The following SLC25A26 variants were observed in gnomAD, a reference collection of about 807,000 sequenced individuals.
SLC25A26 encodes the protein mitochondrial S-adenosylmethionine carrier protein.
Under a neutral mutation model 37.8 loss-of-function variants are expected in SLC25A26, and 36 were observed. The observed-to-expected ratio is 0.95, with a 90% CI of 0.73 to 1.26. SLC25A26 has a LOEUF of 1.26. Ranked by LOEUF, SLC25A26 falls within the 50% of genes most tolerant of loss-of-function variation. SLC25A26 has a pLI of 0.00. For synonymous variants in SLC25A26, 129 were observed against 122.5 expected, an observed-to-expected ratio of 1.05 and a Z score of -0.35; for missense variants, 390 against 331.1, an observed-to-expected ratio of 1.18 and a Z score of -1.38.
At chr3:66,316,653 A>C (rs2107624242) in intron 5 of SLC25A26, among the ~76,000 whole-genome samples, 1 of 152,106 alleles carries the variant, frequency 6.6e-6, no homozygotes, top group East Asian at 1.9e-4. Flanking sequence ...CCTGAATTTG[A>C]ATGTTGGCTT....
chr3:66,175,109 G>GTA (rs769631849), intron 1 of SLC25A26, among the ~76,000 whole-genome samples: 4,793 of 96,958 alleles, frequency 0.049, 137 homozygotes, highest in Middle Eastern at 0.076. Context: ...ATGTGTGTGT[G>GTA]TATATATATA....
upstream of SLC25A26, among the ~76,000 whole-genome samples, chr3:66,216,133 C>T (rs2071357556): frequency 6.6e-6 from 1 of 152,152 alleles, no homozygotes; most frequent in Non-Finnish European, 1.5e-5. Flanking sequence ...TCCTAAAAGC[C>T]CCACCTCTTA....
intron 1 of SLC25A26, among the ~76,000 whole-genome samples, chr3:66,189,072 C>A (rs2070886207): frequency 1.3e-5 from 2 of 152,110 alleles, no homozygotes; most frequent in African/African-American, 4.8e-5. Context: ...AATGACTGTG[C>A]CTGTGCCTCA....
At chr3:66,249,581 T>A (rs2072999022) in intron 3 of SLC25A26, among the ~76,000 whole-genome samples, 1 of 152,256 alleles carries the variant, frequency 6.6e-6, no homozygotes, top group Admixed American at 6.5e-5. Context: ...GAAGAACCAC[T>A]GAGCAAGATA....
intron 9 of SLC25A26, among the ~76,000 whole-genome samples, chr3:66,372,153 G>GA (rs1575623099): frequency 6.6e-6 from 1 of 152,190 alleles, no homozygotes; most frequent in East Asian, 1.9e-4. Flanking sequence ...TACATACATG[G>GA]AGAAGTCACA....
At chr3:66,261,229 G>T (rs1409751906) in intron 3 of SLC25A26, among the ~76,000 whole-genome samples, 2 of 152,306 alleles carry the variant, frequency 1.3e-5, no homozygotes, top group East Asian at 3.9e-4. Context: ...CTTAAATACA[G>T]GACTTTCATT....
chr3:66,353,449 AG>A (rs2076505995), intron 6 of SLC25A26, among the ~76,000 whole-genome samples: 1 of 152,240 alleles, frequency 6.6e-6, no homozygotes, highest in East Asian at 1.9e-4. Flanking sequence ...GAGTACAGCC[AG>A]GATTTGAACT....
rs183145452 is a variant in SLC25A26 at position 66,240,718 on chromosome 3, T to C, written c.191-2485T>C. Among the ~76,000 whole-genome samples, 110 of 151,890 alleles carry C rather than the reference T, an allele frequency of 7.2e-4. 1 individual carries two copies. The highest frequency in any genetic ancestry group is 2.0e-3 in the African/African-American group (83 of 41,428). Reference sequence around the variant, plus strand: ...GGCTAGTATCTAAATATATTTTATGTATTCATGACAGGGCTAGCCTTTTCT... The same window carrying C: ...GGCTAGTATCTAAATATATTTTATGCATTCATGACAGGGCTAGCCTTTTCT... On this transcript the variant is annotated intron_variant, in intron 2 of 9. Coordinates refer to ENST00000354883, the MANE Select transcript of SLC25A26 (RefSeq NM_001379210.1).
At chr3:66,346,295 C>T (rs559781477) in intron 5 of SLC25A26, 69 bp from the exon 6 acceptor site, 285 of 709,842 alleles carry the variant, frequency 4.0e-4, no homozygotes, top group African/African-American at 7.5e-4. Flanking sequence ...TTTACAGGCT[C>T]GTATAGTCAT....
chr3:66,281,615 T>A (rs961194255), intron 5 of SLC25A26, among the ~76,000 whole-genome samples: 2 of 152,184 alleles, frequency 1.3e-5, no homozygotes, highest in African/African-American at 4.8e-5. Flanking sequence ...CCAGACAGTT[T>A]ACTCGTTTAA....
intron 5 of SLC25A26, among the ~76,000 whole-genome samples, chr3:66,290,036 C>CTGTT (rs1213781467): frequency 2.6e-5 from 4 of 152,240 alleles, no homozygotes; most frequent in African/African-American, 9.6e-5. Flanking sequence ...TCCTTCACAT[C>CTGTT]TGTTGTAAGT....
intron 5 of SLC25A26, among the ~76,000 whole-genome samples, chr3:66,337,841 T>C (rs759702129): frequency 2.6e-5 from 4 of 152,092 alleles, no homozygotes; most frequent in Non-Finnish European, 5.9e-5. Flanking sequence ...CTGCCATTTT[T>C]ATTTCATTTA....
At chr3:66,332,904 A>T (rs982265920) in intron 5 of SLC25A26, among the ~76,000 whole-genome samples, 1 of 152,026 alleles carries the variant, frequency 6.6e-6, no homozygotes, top group African/African-American at 2.4e-5. Flanking sequence ...TCTATATGAC[A>T]TATGTGGGTG....
intron 3 of SLC25A26, among the ~76,000 whole-genome samples, chr3:66,257,564 C>T (rs533407426): frequency 8.5e-5 from 13 of 152,106 alleles, no homozygotes; most frequent in East Asian, 1.9e-4. Context: ...TAGTCATAGA[C>T]GGAGAGTCAT....
At chr3:66,232,433 T>C (rs1342331993) in intron 1 of SLC25A26, among the ~76,000 whole-genome samples, 1 of 152,238 alleles carries the variant, frequency 6.6e-6, no homozygotes, top group East Asian at 1.9e-4. Context: ...ATTAGAGCCA[T>C]TGAATGCCTC....
chr3:66,288,315 G>C (rs1244242089), intron 5 of SLC25A26, among the ~76,000 whole-genome samples: 1 of 151,980 alleles, frequency 6.6e-6, no homozygotes, highest in East Asian at 1.9e-4. Flanking sequence ...TGTTGACATT[G>C]GAAAGCATTT....
At chr3:66,323,750 C>G (rs534468547) in intron 5 of SLC25A26, 1 of 152,206 alleles carries the variant, frequency 6.6e-6, no homozygotes, top group Admixed American at 6.5e-5. Context: ...GAGGTCAGGG[C>G]TGCAGTGAAC....
intron 9 of SLC25A26, among the ~76,000 whole-genome samples, chr3:66,374,322 A>G (rs1317139700): frequency 1.3e-5 from 2 of 152,138 alleles, no homozygotes; most frequent in Non-Finnish European, 2.9e-5. Flanking sequence ...TATTTTCATT[A>G]TCATATCTGC....
chr3:66,350,676 G>C (rs1050466460), intron 6 of SLC25A26, among the ~76,000 whole-genome samples: 1 of 150,704 alleles, frequency 6.6e-6, no homozygotes, highest in Admixed American at 6.6e-5. Context: ...GGTTTTTTCA[G>C]CTTCTGCCCT....
Sources: allele counts gnomAD v4.1 joint callset (sites outside exome capture counted in the v4.1 genomes callset), GRCh38; gene constraint gnomAD v4.1.1; transcripts MANE v1.5; gene names NCBI Gene and HGNC (gene_info 2026-07-23, HGNC 2026-07-21).